The following PREX1 variants were observed in gnomAD, a reference collection of about 807,000 sequenced individuals.
The protein encoded by PREX1 is phosphatidylinositol-3,4,5-trisphosphate dependent Rac exchange factor 1, also known as phosphatidylinositol 3,4,5-trisphosphate-dependent Rac exchanger 1 protein.
In PREX1, 41 loss-of-function variants were observed where a neutral mutation model predicts 198.3. The observed-to-expected ratio is 0.21, with a 90% CI of 0.16 to 0.27. The LOEUF (loss-of-function observed/expected upper bound fraction) is 0.27, where lower values mean the gene tolerates loss of function less well. PREX1 is among the 10% of genes least tolerant of loss of function. The pLI, the probability that PREX1 is intolerant of heterozygous loss-of-function variation, is 1.00. For missense variants in PREX1, 1,620 were observed against 2,200.7 expected (o/e 0.74, Z 5.28); for synonymous variants, 843 against 887.2 (o/e 0.95, Z 0.89).
chr20:48,755,300 C>A (rs893292109), intron 1 of PREX1, among the ~76,000 whole-genome samples: 1 of 152,188 alleles, frequency 6.6e-6, no homozygotes, highest in African/African-American at 2.4e-5. Flanking sequence ...ACCCATACTA[C>A]AAGAAACTAT....
chr20:48,805,657 T>G (rs2090408768), intron 1 of PREX1, among the ~76,000 whole-genome samples: 1 of 152,120 alleles, frequency 6.6e-6, no homozygotes, highest in Non-Finnish European at 1.5e-5. Flanking sequence ...CTTCCTGGAC[T>G]TACAGGCCAG....
chr20:48,786,465 C>T (rs941204669), intron 1 of PREX1, among the ~76,000 whole-genome samples: 11 of 151,948 alleles, frequency 7.2e-5, no homozygotes, highest in Non-Finnish European at 1.3e-4. Flanking sequence ...GGATGGGGGC[C>T]GGGCACGGTG....
At chr20:48,660,224 G>T (rs914652267) in intron 15 of PREX1, among the ~76,000 whole-genome samples, 163 bp from the exon 16 acceptor site, 2 of 152,190 alleles carry the variant, frequency 1.3e-5, no homozygotes, top group African/African-American at 4.8e-5. Context: ...AACATATTAG[G>T]ATATTTCACA....
At chr20:48,678,891 T>C (rs2089727857) in intron 13 of PREX1, among the ~76,000 whole-genome samples, 1 of 152,188 alleles carries the variant, frequency 6.6e-6, no homozygotes, top group African/African-American at 2.4e-5. Flanking sequence ...AGTACCAGGT[T>C]GGTGACACTT....
the PREX1 span, among the ~76,000 whole-genome samples, chr20:48,870,082 G>C: frequency 1.7e-3 from 252 of 152,238 alleles, 1 homozygote; most frequent in African/African-American, 5.9e-3. Flanking sequence ...ATATGCAAAT[G>C]TATCTGTAAC....
chr20:48,738,436 T>A (rs758030667), intron 3 of PREX1, among the ~76,000 whole-genome samples: 1 of 152,060 alleles, frequency 6.6e-6, no homozygotes. Flanking sequence ...AAGGACAACA[T>A]CCCCTCTGCA....
intron 1 of PREX1, among the ~76,000 whole-genome samples, chr20:48,798,439 C>T (rs890184067): frequency 2.0e-5 from 3 of 152,198 alleles, no homozygotes; most frequent in African/African-American, 4.8e-5. Flanking sequence ...AAGCCCTCCC[C>T]GGCAGGCTGC....
chr20:48,835,757 G>C, the PREX1 span, among the ~76,000 whole-genome samples: 2 of 152,192 alleles, frequency 1.3e-5, no homozygotes, highest in East Asian at 3.8e-4. Context: ...GGATGAACTG[G>C]GAGCTAAACA....
chr20:48,694,213 G>A (rs1022891256), intron 7 of PREX1, among the ~76,000 whole-genome samples: 9 of 152,124 alleles, frequency 5.9e-5, no homozygotes, highest in African/African-American at 1.4e-4. Context: ...CGCCCAGCCC[G>A]AATTTCTGTT....
the PREX1 span, among the ~76,000 whole-genome samples, chr20:48,837,085 T>G: frequency 6.6e-6 from 1 of 152,058 alleles, no homozygotes; most frequent in Non-Finnish European, 1.5e-5. Context: ...CTTACATAGA[T>G]TCAGAGAAAA....
chr20:48,781,116 A>G (rs1357637002), intron 1 of PREX1, among the ~76,000 whole-genome samples: 2 of 152,202 alleles, frequency 1.3e-5, no homozygotes, highest in African/African-American at 4.8e-5. Flanking sequence ...CACAGATTAC[A>G]GGAGACTAAG....
chr20:48,772,071 G>A (rs1228802154), intron 1 of PREX1, among the ~76,000 whole-genome samples: 1 of 152,110 alleles, frequency 6.6e-6, no homozygotes, highest in African/African-American at 2.4e-5. Context: ...GCGGGCACCT[G>A]TAGTCCCAGC....
rs2090048144 is a variant in PREX1 at position 48,734,461 on chromosome 20, G to A, written c.519+85C>T. 5 of 1,159,604 alleles carry A rather than the reference G, an allele frequency of 4.3e-6. No homozygotes were observed. The Admixed American group carries it at 5.2e-5, about 12-fold the overall frequency. 71.8% of individuals were successfully genotyped at this position (1,159,604 alleles called of 1,614,324 possible). ...GCCAAGGAAAGGATTTGGCACCATG[G>A]GGCAGCATGAAGTCCTCTTGTGCCC... On this transcript the variant is annotated intron_variant, in intron 4 of 39. Transcript: ENST00000371941.
At chr20:48,735,269 T>A (rs993321060) in intron 3 of PREX1, among the ~76,000 whole-genome samples, 15 of 151,952 alleles carry the variant, frequency 9.9e-5, no homozygotes, top group Admixed American at 2.6e-4. Flanking sequence ...GTGGGTGAGG[T>A]CACTGGAGGA....
the PREX1 span, among the ~76,000 whole-genome samples, chr20:48,837,267 T>A: frequency 6.6e-6 from 1 of 152,314 alleles, no homozygotes; most frequent in East Asian, 1.9e-4. Context: ...GTGTGGCGAT[T>A]CCTCAAAGAC....
intron 37 of PREX1, among the ~76,000 whole-genome samples, chr20:48,628,512 G>A (rs2089290279): frequency 6.6e-6 from 1 of 152,178 alleles, no homozygotes; most frequent in Admixed American, 6.5e-5. Flanking sequence ...GTGGTGCACA[G>A]AGGACCTGGC....
rs764419780 is a variant in PREX1, at chr20:48,681,205, T to TGGCCGAGCTG, written c.1435+29_1435+30insCAGCTCGGCC. 1.2e-4 allele frequency: 185 copies of TGGCCGAGCTG among 1,596,018 alleles called. 2 individuals carry two copies. Among genetic ancestry groups the TGGCCGAGCTG allele is most frequent in the Non-Finnish European group, 1.5e-4 (177 of 1,164,626 alleles). On this transcript the variant is annotated intron_variant, in intron 11 of 39. Coordinates refer to ENST00000371941, the MANE Select transcript of PREX1 (RefSeq NM_020820.4). Reference sequence around the variant, plus strand: ...TGGGGTCTGACCTGTTCCCACCCCTTGGCCCAGCTGGGCCCAGCCCTCCAC... The same window carrying TGGCCGAGCTG: ...TGGGGTCTGACCTGTTCCCACCCCTTGGCCGAGCTGGGCCCAGCTGGGCCCAGCCCTCCAC...
At chr20:48,810,653 G>A (rs2090429999) in intron 1 of PREX1, among the ~76,000 whole-genome samples, 1 of 150,800 alleles carries the variant, frequency 6.6e-6, no homozygotes, top group Non-Finnish European at 1.5e-5. Context: ...TTGGGAGGCT[G>A]AAGCAGGTGG....
chr20:48,634,777 T>C lies in PREX1; in HGVS notation c.4168-2A>G. On this transcript the variant is annotated splice_acceptor_variant, in intron 32 of 39. Transcript: ENST00000371941. LOFTEE classifies it high-confidence loss of function. ...CTCCAGCATGGTCCGTTCCTCCTTC[T>C]GCAGGAAGAAGACAGCGCGGAGGAG... 6.2e-7 allele frequency: 1 copy of C among 1,613,792 alleles called. No homozygotes were observed. The highest frequency in any genetic ancestry group is 8.5e-7 in the Non-Finnish European group (1 of 1,179,672).
Sources: allele counts gnomAD v4.1 joint callset (sites outside exome capture counted in the v4.1 genomes callset), GRCh38; gene constraint gnomAD v4.1.1; transcripts MANE v1.5; gene names NCBI Gene and HGNC (gene_info 2026-07-23, HGNC 2026-07-21).